PLEKHH1: variants seen among roughly 807,000 people sequenced by gnomAD.
PLEKHH1 encodes the protein pleckstrin homology domain-containing family H member 1.
In PLEKHH1, 104 loss-of-function variants were observed where a neutral mutation model predicts 160.0. The ratio of observed to expected loss-of-function variants is 0.65; its 90% CI spans 0.55 to 0.76. The LOEUF (loss-of-function observed/expected upper bound fraction) is 0.76. Ranked by LOEUF, PLEKHH1 falls within the 30% of genes least tolerant of loss-of-function variation. The probability of loss-of-function intolerance (pLI) is 0.00; values close to 1 mark genes in which losing one functional copy is unlikely to be tolerated. For synonymous variants in PLEKHH1, 619 were observed against 678.4 expected (o/e 0.91, Z 1.36); for missense variants, 1,427 against 1,724.1 (o/e 0.83, Z 3.05).
At chr14:67,585,097 T>C (rs775797971) in intron 26 of PLEKHH1, 9 of 156,558 alleles carry the variant, frequency 5.7e-5, no homozygotes, top group Non-Finnish European at 1.3e-4. Flanking sequence ...GCCACAGGAC[T>C]GCATTCTTGC....
At chr14:67,537,376 TA>T (rs2033776771) in intron 1 of PLEKHH1, among the ~76,000 whole-genome samples, 1 of 129,958 alleles carries the variant, frequency 7.7e-6, no homozygotes, top group East Asian at 2.3e-4. Context: ...ATAATAATAA[TA>T]ATAAAAACTT....
At chr14:67,559,521 C>T (rs1405980619) in intron 4 of PLEKHH1, 87 bp from the exon 5 acceptor site, 3 of 854,068 alleles carry the variant, frequency 3.5e-6, no homozygotes, top group Non-Finnish European at 5.9e-6. Context: ...GGCACGCACA[C>T]TTGGCCTTTC....
At chr14:67,569,383 G>A (rs1234717206) in intron 8 of PLEKHH1, among the ~76,000 whole-genome samples, 167 bp downstream of exon 8, 9 of 152,168 alleles carry the variant, frequency 5.9e-5, no homozygotes, top group African/African-American at 1.9e-4. Flanking sequence ...GTCCCACCTA[G>A]GAGGGAAAGG....
In PLEKHH1 at chr14:67,573,896, G is replaced by T. The variant is rs374493058; in HGVS notation, c.1926+9G>T. 3 of 1,589,642 alleles carry T rather than the reference G, an allele frequency of 1.9e-6. No individual in the cohort carries two copies. The highest frequency in any genetic ancestry group is 2.6e-6 in the Non-Finnish European group (3 of 1,157,648). On this transcript the variant is annotated intron_variant, in intron 13 of 28. Coordinates refer to ENST00000329153, the MANE Select transcript of PLEKHH1 (RefSeq NM_020715.3). The surrounding 1 kb of genome is among the most constrained non-coding windows in gnomAD (Gnocchi z 4.8). Reference sequence around the variant, plus strand: ...GTTCACAGACGTTTCAGGTGAGCACGCTCCTGGCTGCTAGTATTTTAAACA... The same window carrying T: ...GTTCACAGACGTTTCAGGTGAGCACTCTCCTGGCTGCTAGTATTTTAAACA...
chr14:67,588,496 T>C lies in PLEKHH1; in HGVS notation c.*1261T>C, dbSNP rs1002794182. The C allele has an allele frequency of 6.6e-6, 1 of 152,122 alleles. No individual in the cohort carries two copies. Among genetic ancestry groups the C allele is most frequent in the Non-Finnish European group, 1.5e-5 (1 of 67,996 alleles). The allele number at this position is 152,122 out of a possible 1,614,324, so 9.4% of individuals were successfully genotyped here. A position where few individuals can be genotyped will look rare whatever the true frequency, so the allele number is the denominator to read the frequency against. On this transcript the variant is annotated 3_prime_UTR_variant, in exon 29 of 29. Transcript: ENST00000329153. ...CCTAAGAGTAGCAGGTAAAAAAAAGTTTCTTTCATCTTTTGCCTTACTGAT... is the reference window on the plus strand; with the variant it reads ...CCTAAGAGTAGCAGGTAAAAAAAAGCTTCTTTCATCTTTTGCCTTACTGAT...
intron 10 of PLEKHH1, 76 bp downstream of exon 10, chr14:67,571,978 G>C: frequency 6.5e-7 from 1 of 1,529,576 alleles, no homozygotes; most frequent in Non-Finnish European, 8.9e-7. Flanking sequence ...CTTGAACATG[G>C]GCGTCCCCAC....
chr14:67,578,063 C>T lies in PLEKHH1; in HGVS notation c.2615C>T (p.Ser872Leu), dbSNP rs371586394. ...LFINVPVEAA[S>L]VDYHVSLAQT... ...ATCAACGTGCCGGTGGAAGCTGCCT[C>T]GGTGGACTACCATGTGTCCCTGGCC... Residue 872 changes from serine (S) to leucine (L), a missense_variant, in exon 19 of 29, where the codon TCG becomes TTG. Physicochemically the swap from Ser to Leu is moderately radical, Grantham distance 145. Coordinates refer to ENST00000329153, the MANE Select transcript of PLEKHH1 (RefSeq NM_020715.3). The surrounding 1 kb of genome is among the most constrained non-coding windows in gnomAD (Gnocchi z 5.0). 90 of 1,613,798 alleles carry T rather than the reference C, an allele frequency of 5.6e-5. No individual in the cohort carries two copies. Among genetic ancestry groups the T allele is most frequent in the African/African-American group, 5.3e-4 (40 of 74,908 alleles).
At chr14:67,581,979 T>C (rs1208343154) in intron 23 of PLEKHH1, 90 bp from the exon 24 acceptor site, 7 of 1,300,590 alleles carry the variant, frequency 5.4e-6, no homozygotes, top group Non-Finnish European at 7.4e-6. Context: ...TACTTTATCT[T>C]TTTGGAAATA....
At chr14:67,575,574 C>A in intron 15 of PLEKHH1, 102 bp downstream of exon 15, 1 of 802,958 alleles carries the variant, frequency 1.2e-6, no homozygotes, top group Non-Finnish European at 2.2e-6. Flanking sequence ...CGTAACCCCA[C>A]AATAAATACA....
chr14:67,576,076 C>T lies in PLEKHH1; in HGVS notation c.2352+71C>T, dbSNP rs1383969250. ...TTCTGATCTTCCCTTCTCTCTTTCT[C>T]CTGAGCTTCCCAAAATTCAAATTTA... On this transcript the variant is annotated intron_variant, in intron 16 of 28. Coordinates refer to ENST00000329153, the MANE Select transcript of PLEKHH1 (RefSeq NM_020715.3). This position sits in a 1 kb window ranked among gnomAD's most constrained non-coding sequence, Gnocchi z 4.0. The T allele has an allele frequency of 8.2e-6, 10 of 1,224,410 alleles. No individual in the cohort carries two copies. Among genetic ancestry groups the T allele is most frequent in the Non-Finnish European group, 9.2e-6 (8 of 867,188 alleles). The allele number at this position is 1,224,410 out of a possible 1,614,324, so 75.8% of individuals were successfully genotyped here. A position where few individuals can be genotyped will look rare whatever the true frequency, so the allele number is the denominator to read the frequency against.
intron 1 of PLEKHH1, among the ~76,000 whole-genome samples, chr14:67,539,273 T>C (rs544898665): frequency 9.9e-5 from 15 of 152,146 alleles, no homozygotes; most frequent in Admixed American, 9.8e-4. Context: ...GAGAAGGTCA[T>C]GTTTTGTTTT....
chr14:67,576,380 T>G lies in PLEKHH1; in HGVS notation c.2353-15T>G. 2 of 1,518,552 alleles carry G rather than the reference T, an allele frequency of 1.3e-6. No homozygotes were observed. Among genetic ancestry groups the G allele is most frequent in the Non-Finnish European group, 1.8e-6 (2 of 1,095,352 alleles). 94.1% of individuals were successfully genotyped at this position (1,518,552 alleles called of 1,614,324 possible). A position where few individuals can be genotyped will look rare whatever the true frequency, so the allele number is the denominator to read the frequency against. On this transcript the variant is annotated splice_polypyrimidine_tract_variant and intron_variant, in intron 16 of 28. Coordinates refer to ENST00000329153, the MANE Select transcript of PLEKHH1 (RefSeq NM_020715.3). The surrounding 1 kb of genome is among the most constrained non-coding windows in gnomAD (Gnocchi z 4.0). ...CCACCCCGTCCCCATCCGATGGCTT[T>G]CCGCCCTCTTCCAGGATACGTGGCT...
chr14:67,568,759 C>T (rs2035229638), intron 7 of PLEKHH1, among the ~76,000 whole-genome samples: 1 of 152,040 alleles, frequency 6.6e-6, no homozygotes, highest in Non-Finnish European at 1.5e-5. Flanking sequence ...ATCTTGAGAC[C>T]CAAGGGTCTC....
chr14:67,562,264 G>A lies in PLEKHH1; in HGVS notation c.633G>A (p.Leu211=). ...GQDSGSQAQG[L]KAAVLAPSPG... ...ACAGTGGCTCCCAGGCCCAGGGTCT[G>A]AAGGCAGCTGTGCTTGCACCTTCCC... The change falls in exon 7 of 29, where the codon CTG becomes CTA. Residue 211 remains leucine (L), a synonymous_variant. Coordinates refer to ENST00000329153, the MANE Select transcript of PLEKHH1 (RefSeq NM_020715.3). The A allele has an allele frequency of 6.2e-7, 1 of 1,613,404 alleles. No individual in the cohort carries two copies. Among genetic ancestry groups the A allele is most frequent in the Non-Finnish European group, 8.5e-7 (1 of 1,179,650 alleles).
At chr14:67,585,380 C>T in intron 26 of PLEKHH1, 188 bp from the exon 27 acceptor site, 2 of 572,308 alleles carry the variant, frequency 3.5e-6, no homozygotes, top group African/African-American at 1.9e-5. Context: ...GGCCAAGGGT[C>T]TCCTGTCACA....
intron 26 of PLEKHH1, 155 bp from the exon 27 acceptor site, chr14:67,585,413 A>G: frequency 1.6e-6 from 1 of 624,386 alleles, no homozygotes; most frequent in Non-Finnish European, 2.9e-6. Context: ...TATTTCCTGC[A>G]TACACTGTAC....
In PLEKHH1 at chr14:67,571,871, CG is replaced by C. The variant is rs1566750079; in HGVS notation, c.1556del (p.Gly519AspfsTer2). The part of the protein sequence containing the change: ...VPSSESRKTS[G>X]LGSPRAIKRG... ...CCTCCTCTGAGTCCAGGAAGACCAG[CG>C]GACTAGGCAGCCCCCGGGCCATCAA... On this transcript the variant is annotated frameshift_variant, in exon 10 of 29. Transcript: ENST00000329153. LOFTEE classifies it high-confidence loss of function. 6.2e-7 allele frequency: 1 copy of C among 1,612,798 alleles called. No individual in the cohort carries two copies.
rs1365376446 is a variant in PLEKHH1, at chr14:67,562,456, C to T, written c.825C>T (p.Phe275=). ...PHQPCMKLLT[F]RCSSASWGEG... ...AGCCATGCATGAAGCTTCTTACCTTCAGATGTAGTTCAGCTTCCTGGGGTG... is the reference window on the plus strand; with the variant it reads ...AGCCATGCATGAAGCTTCTTACCTTTAGATGTAGTTCAGCTTCCTGGGGTG... The change falls in exon 7 of 29, where the codon TTC becomes TTT. Residue 275 remains phenylalanine, a synonymous_variant. Coordinates refer to ENST00000329153, the MANE Select transcript of PLEKHH1 (RefSeq NM_020715.3). The T allele has an allele frequency of 1.2e-6, 2 of 1,613,864 alleles. No homozygotes were observed. The highest frequency in any genetic ancestry group is 2.2e-5 in the East Asian group (1 of 44,878).
At position 67,589,260 on chromosome 14, in the gene PLEKHH1, C is replaced by T. The variant is rs2036290593; in HGVS notation, c.*2025C>T. The T allele has an allele frequency of 2.5e-6, 2 of 785,294 alleles. No individual in the cohort carries two copies. The highest frequency in any genetic ancestry group is 3.1e-6 in the Non-Finnish European group (2 of 647,214). 48.6% of individuals were successfully genotyped at this position (785,294 alleles called of 1,614,324 possible). A position where few individuals can be genotyped will look rare whatever the true frequency, so the allele number is the denominator to read the frequency against. On this transcript the variant is annotated 3_prime_UTR_variant, in exon 29 of 29. Transcript: ENST00000329153. Reference sequence around the variant, plus strand: ...TCTCTCCTCCCCAACCCTTCAGGAACCCTTTAGTTTATTAATCTTATACAG... The same window carrying T: ...TCTCTCCTCCCCAACCCTTCAGGAATCCTTTAGTTTATTAATCTTATACAG...
Sources: allele counts gnomAD v4.1 joint callset (sites outside exome capture counted in the v4.1 genomes callset), GRCh38; gene constraint gnomAD v4.1.1; non-coding constraint Gnocchi (gnomAD v3.1); transcripts MANE v1.5; gene names NCBI Gene and HGNC (gene_info 2026-07-23, HGNC 2026-07-21).